Variants in RORA observed in about 807,000 individuals in gnomAD.
RORA encodes the protein RAR related orphan receptor A.
RORA carries 7 observed loss-of-function variants against 69.5 expected under a neutral mutation model. That is an observed-to-expected ratio of 0.10 (90% confidence interval 0.06 to 0.19). RORA has a LOEUF of 0.19. Among genes scored for constraint, RORA ranks in the 10% least tolerant of loss-of-function variants. The pLI, the probability that RORA is intolerant of heterozygous loss-of-function variation, is 1.00. For missense variants in RORA, 457 were observed against 663.0 expected (o/e 0.69, Z 3.41); for synonymous variants, 261 against 240.8 (o/e 1.08, Z -0.78).
intron 1 of RORA, among the ~76,000 whole-genome samples, chr15:60,971,850 G>C (rs7179098): frequency 0.23 from 34,392 of 151,998 alleles, 4,743 homozygotes; most frequent in East Asian, 0.6. Flanking sequence ...CATTGGGCCA[G>C]AGAGAGGGTG....
intron 1 of RORA, among the ~76,000 whole-genome samples, chr15:60,751,422 A>AAT (rs2071721766): frequency 1.3e-5 from 2 of 152,250 alleles, no homozygotes; most frequent in African/African-American, 4.8e-5. Context: ...CAATGAGAAT[A>AAT]ATAATAATGA....
chr15:60,933,071 G>A (rs1892420596), intron 1 of RORA, among the ~76,000 whole-genome samples: 2 of 152,096 alleles, frequency 1.3e-5, no homozygotes, highest in African/African-American at 4.8e-5. Context: ...TGATTCTGCT[G>A]CTTCCCAGGG....
chr15:60,807,319 C>CAAACA (rs544046577), intron 1 of RORA, among the ~76,000 whole-genome samples: 59 of 152,082 alleles, frequency 3.9e-4, no homozygotes, highest in African/African-American at 8.4e-4. Flanking sequence ...ACAATAGCTG[C>CAAACA]AAACAAAACA....
intron 1 of RORA, among the ~76,000 whole-genome samples, chr15:60,899,120 G>A (rs773700118): frequency 6.6e-6 from 1 of 152,198 alleles, no homozygotes; most frequent in South Asian, 2.1e-4. Flanking sequence ...CAGAAACCAC[G>A]TCTTATCCTT....
intron 1 of RORA, among the ~76,000 whole-genome samples, chr15:61,125,095 G>A (rs2079132449): frequency 6.6e-6 from 1 of 152,190 alleles, no homozygotes; most frequent in South Asian, 2.1e-4. Flanking sequence ...TGTTGGTGGT[G>A]ATGAAAATAA....
chr15:61,190,856 T>C (rs2079792327), intron 1 of RORA, among the ~76,000 whole-genome samples: 1 of 152,236 alleles, frequency 6.6e-6, no homozygotes, highest in Non-Finnish European at 1.5e-5. Context: ...TGGTTTTATA[T>C]ATATTTATAT....
At chr15:60,878,164 A>C (rs2073638550) in intron 1 of RORA, among the ~76,000 whole-genome samples, 1 of 130,540 alleles carries the variant, frequency 7.7e-6, no homozygotes. Flanking sequence ...GCTTCTACTA[A>C]AAATACAAAA....
At chr15:60,880,061 A>C (rs948865139) in intron 1 of RORA, among the ~76,000 whole-genome samples, 2 of 152,186 alleles carry the variant, frequency 1.3e-5, no homozygotes, top group African/African-American at 2.4e-5. Context: ...GCCTGCACAC[A>C]GACAAATGTG....
intron 1 of RORA, among the ~76,000 whole-genome samples, chr15:60,983,247 A>T (rs1459917192): frequency 6.6e-6 from 1 of 152,246 alleles, no homozygotes; most frequent in Non-Finnish European, 1.5e-5. Flanking sequence ...ATTAACAATA[A>T]AACAGAGATC....
intron 1 of RORA, among the ~76,000 whole-genome samples, chr15:61,172,570 C>T (rs1056284431): frequency 2.2e-4 from 33 of 152,120 alleles, no homozygotes; most frequent in African/African-American, 7.5e-4. Context: ...CTCAGGGCCC[C>T]GGAGGAATGA....
intron 1 of RORA, among the ~76,000 whole-genome samples, chr15:61,166,183 T>C (rs2079538580): frequency 6.6e-6 from 1 of 152,118 alleles, no homozygotes; most frequent in Non-Finnish European, 1.5e-5. Context: ...CTGAAACATT[T>C]CAAGAACTCT....
chr15:61,119,483 T>A (rs2079083221), intron 1 of RORA, among the ~76,000 whole-genome samples: 1 of 151,726 alleles, frequency 6.6e-6, no homozygotes, highest in Non-Finnish European at 1.5e-5. Flanking sequence ...CATTTTATTT[T>A]TTCCCCCCAG....
chr15:61,063,788 A>G (rs2078219454), intron 1 of RORA, among the ~76,000 whole-genome samples: 1 of 152,244 alleles, frequency 6.6e-6, no homozygotes, highest in Non-Finnish European at 1.5e-5. Flanking sequence ...ACTAAATGAC[A>G]GTTTTTCCAT....
chr15:61,011,221 G>C (rs915966950), intron 1 of RORA, among the ~76,000 whole-genome samples: 23 of 151,648 alleles, frequency 1.5e-4, no homozygotes, highest in Non-Finnish European at 2.1e-4. Context: ...TCCACCATCT[G>C]CATCTTCTGC....
chr15:60,505,430 C>T, intron 6 of RORA, 78 bp downstream of exon 6: 1 of 1,445,570 alleles, frequency 6.9e-7, no homozygotes, highest in Middle Eastern at 1.8e-4. Flanking sequence ...TCTGTGTGAA[C>T]TCTTGACCAA....
intron 1 of RORA, among the ~76,000 whole-genome samples, chr15:60,948,887 TCA>T (rs1328527629): frequency 6.6e-6 from 1 of 152,184 alleles, no homozygotes; most frequent in Non-Finnish European, 1.5e-5. Context: ...GACTGATAGT[TCA>T]GGCAGGAGAG....
At chr15:61,099,768 T>C (rs900609550) in intron 1 of RORA, among the ~76,000 whole-genome samples, 12 of 152,224 alleles carry the variant, frequency 7.9e-5, no homozygotes, top group African/African-American at 2.9e-4. Flanking sequence ...TTTTGAGAAA[T>C]GAAGTTAATG....
chr15:60,693,480 T>C (rs1408212905), intron 1 of RORA, among the ~76,000 whole-genome samples: 1 of 152,130 alleles, frequency 6.6e-6, no homozygotes, highest in Non-Finnish European at 1.5e-5. Context: ...AAAGAAATAT[T>C]CTTTCAAATA....
At chr15:61,096,901 T>C (rs1479518466) in intron 1 of RORA, among the ~76,000 whole-genome samples, 2 of 152,222 alleles carry the variant, frequency 1.3e-5, no homozygotes, top group Non-Finnish European at 2.9e-5. Flanking sequence ...TAGCCTGATA[T>C]ACAGATTTGA....
Sources: gnomAD v4.1 joint callset for allele counts (sites outside exome capture counted in the v4.1 genomes callset) on GRCh38, gnomAD v4.1.1 for gene constraint, MANE v1.5 for transcripts, NCBI Gene and HGNC (gene_info 2026-07-23, HGNC 2026-07-21) for gene names.